Variants in CNTN6 observed in about 807,000 individuals in gnomAD.
The protein encoded by CNTN6 is contactin-6.
Under a neutral mutation model 122.8 loss-of-function variants are expected in CNTN6, and 137 were observed. The ratio of observed to expected loss-of-function variants is 1.12; its 90% confidence interval spans 0.97 to 1.29. The LOEUF is 1.29. Among genes scored for constraint, CNTN6 ranks in the 50% most tolerant of loss-of-function variants. The pLI, the probability that CNTN6 is intolerant of heterozygous loss-of-function variation, is 0.00. For synonymous variants in CNTN6, 570 were observed against 426.0 expected (o/e 1.34, Z -4.16); for missense variants, 1,634 against 1,223.4 (o/e 1.34, Z -5.01).
chr3:1,366,295 G>A (rs955238347), intron 12 of CNTN6, among the ~76,000 whole-genome samples: 2 of 152,058 alleles, frequency 1.3e-5, no homozygotes, highest in Non-Finnish European at 2.9e-5. Flanking sequence ...TTTTACAAAC[G>A]ATAGAGTCTA....
intron 2 of CNTN6, among the ~76,000 whole-genome samples, chr3:1,204,795 G>A (rs1231346984): frequency 1.3e-5 from 2 of 152,046 alleles, no homozygotes; most frequent in African/African-American, 2.4e-5. Context: ...CTCTTAACAT[G>A]TGTAACTAAT....
At chr3:1,277,726 G>A (rs887083278) in intron 4 of CNTN6, among the ~76,000 whole-genome samples, 1 of 152,062 alleles carries the variant, frequency 6.6e-6, no homozygotes, top group African/African-American at 2.4e-5. Flanking sequence ...AAGAAACTGA[G>A]GCTCAAAGAA....
At chr3:1,223,256 C>G (rs550219356) in intron 3 of CNTN6, among the ~76,000 whole-genome samples, 1 of 152,164 alleles carries the variant, frequency 6.6e-6, no homozygotes, top group South Asian at 2.1e-4. Context: ...AGTCACAGCT[C>G]TATCAATCCA....
intron 20 of CNTN6, 49 bp downstream of exon 20, chr3:1,385,846 C>T (rs752916960): frequency 4.5e-5 from 65 of 1,459,848 alleles, no homozygotes; most frequent in Admixed American, 9.4e-5. Flanking sequence ...TGAAGAGCAA[C>T]CTATTCCTTT....
At chr3:1,332,495 A>G (rs1009650690) in intron 11 of CNTN6, among the ~76,000 whole-genome samples, 3 of 118,552 alleles carry the variant, frequency 2.5e-5, no homozygotes, top group Non-Finnish European at 5.1e-5. Context: ...AGGAAGGAAA[A>G]AAGGAAGGAA....
In CNTN6 at chr3:1,372,971, G is replaced by A. The variant is rs765194048; in HGVS notation, c.1786+16G>A. ...ATTGTTAGAGGTAAGCATAAATGGTGAAAAAGTGATCACATTGTTTCTTCA... is the reference window on the plus strand; with the variant it reads ...ATTGTTAGAGGTAAGCATAAATGGTAAAAAAGTGATCACATTGTTTCTTCA... On this transcript the variant is annotated intron_variant, in intron 14 of 22. Coordinates refer to ENST00000446702, the MANE Select transcript of CNTN6 (RefSeq NM_001289080.2). 1.3e-4 allele frequency: 184 copies of A among 1,388,554 alleles called. No homozygotes were observed. Among genetic ancestry groups the A allele is most frequent in the Admixed American group, 7.2e-4 (39 of 54,168 alleles). The allele number at this position is 1,388,554 out of a possible 1,614,324, so 86.0% of individuals were successfully genotyped here.
chr3:1,197,211 A>T (rs1197326993), intron 2 of CNTN6, among the ~76,000 whole-genome samples: 1 of 152,202 alleles, frequency 6.6e-6, no homozygotes, highest in African/African-American at 2.4e-5. Context: ...ACCTCTCAGC[A>T]TCATCTCTCA....
chr3:1,242,675 A>G (rs893266636), intron 4 of CNTN6, among the ~76,000 whole-genome samples: 7 of 152,174 alleles, frequency 4.6e-5, no homozygotes, highest in African/African-American at 1.4e-4. Context: ...TATGAGAGGA[A>G]GACGCGAAGG....
chr3:1,191,194 C>T (rs1291940507), intron 2 of CNTN6, among the ~76,000 whole-genome samples: 5 of 152,110 alleles, frequency 3.3e-5, no homozygotes, highest in African/African-American at 1.2e-4. Context: ...AACTCTGGAG[C>T]TCCTGATTCC....
chr3:1,194,430 A>G (rs1192168985), intron 2 of CNTN6, among the ~76,000 whole-genome samples: 8 of 152,152 alleles, frequency 5.3e-5, no homozygotes, highest in African/African-American at 1.9e-4. Context: ...AAAAACTTGC[A>G]AAGAAAATTT....
At position 1,182,605 on chromosome 3, in the gene CNTN6, T is replaced by A. The variant is rs186836101; in HGVS notation, c.55+34542T>A. On this transcript the variant is annotated intron_variant, in intron 2 of 22. Transcript: ENST00000446702. ...GCCCACATTCTCCTTTTCCTTAGTT[T>A]TTTTTTTTTAATTTTTAGCTTCAGA... Among the ~76,000 whole-genome samples the A allele has an allele frequency of 3.8e-3, 579 of 151,916 alleles. 1 individual carries two copies. Among genetic ancestry groups the A allele is most frequent in the African/African-American group, 0.013 (557 of 41,498 alleles).
At chr3:1,282,470 G>GT (rs1190831678) in intron 5 of CNTN6, among the ~76,000 whole-genome samples, 2 of 152,198 alleles carry the variant, frequency 1.3e-5, no homozygotes, top group African/African-American at 4.8e-5. Context: ...TGTAATCTGA[G>GT]TGGAGGAGTA....
chr3:1,172,100 T>C (rs557841173), intron 2 of CNTN6, among the ~76,000 whole-genome samples: 2 of 152,030 alleles, frequency 1.3e-5, no homozygotes, highest in African/African-American at 2.4e-5. Flanking sequence ...TTCAGGAAAA[T>C]CTCCCATTAA....
intron 4 of CNTN6, among the ~76,000 whole-genome samples, chr3:1,233,048 A>C (rs965572962): frequency 6.6e-6 from 1 of 152,174 alleles, no homozygotes; most frequent in Non-Finnish European, 1.5e-5. Context: ...TTGAGACTGA[A>C]AACTAATTTG....
At chr3:1,158,788 A>ATGTGTATATATATACACACATATATATG (rs2093037639) in intron 2 of CNTN6, among the ~76,000 whole-genome samples, 2 of 110,894 alleles carry the variant, frequency 1.8e-5, no homozygotes, top group African/African-American at 8.3e-5. Flanking sequence ...GTGTGTATAT[A>ATGTGTATATATATACACACATATATATG]TGTGTATATA....
chr3:1,225,702 T>TG (rs1267464643), intron 3 of CNTN6, among the ~76,000 whole-genome samples: 1 of 116,346 alleles, frequency 8.6e-6, no homozygotes, highest in East Asian at 1.9e-4. Flanking sequence ...TATTATTGTT[T>TG]TTTTTTTTTT....
At chr3:1,138,873 A>G (rs1400637671) in intron 1 of CNTN6, among the ~76,000 whole-genome samples, 1 of 152,018 alleles carries the variant, frequency 6.6e-6, no homozygotes, top group Non-Finnish European at 1.5e-5. Flanking sequence ...GTATGTATGC[A>G]TCTACCTTTT....
chr3:1,337,349 C>A (rs1026456115), intron 11 of CNTN6, among the ~76,000 whole-genome samples: 5 of 152,070 alleles, frequency 3.3e-5, no homozygotes, highest in African/African-American at 7.2e-5. Context: ...ACATATTTTA[C>A]AATATCTACC....
intron 11 of CNTN6, among the ~76,000 whole-genome samples, chr3:1,344,302 T>C (rs543568755): frequency 2.5e-4 from 38 of 152,270 alleles, no homozygotes; most frequent in Non-Finnish European, 4.6e-4. Context: ...AGTCACATCA[T>C]TGGTAGCTTG....
Sources: allele counts gnomAD v4.1 joint callset (sites outside exome capture counted in the v4.1 genomes callset), GRCh38; gene constraint gnomAD v4.1.1; transcripts MANE v1.5; gene names NCBI Gene and HGNC (gene_info 2026-07-23, HGNC 2026-07-21).